Variants in MPRIP observed in about 807,000 individuals in gnomAD.
The protein encoded by MPRIP is myosin phosphatase Rho interacting protein.
Under a neutral mutation model 234.9 loss-of-function variants are expected in MPRIP, and 59 were observed. The observed-to-expected ratio is 0.25, with a 90% CI of 0.20 to 0.31. The LOEUF (loss-of-function observed/expected upper bound fraction) is 0.31, where lower values mean the gene tolerates loss of function less well. Ranked by LOEUF, MPRIP falls within the 10% of genes least tolerant of loss-of-function variation. The probability of loss-of-function intolerance (pLI) is 1.00; values close to 1 mark genes in which losing one functional copy is unlikely to be tolerated. For missense variants in MPRIP, 2,436 were observed against 3,071.0 expected (o/e 0.79, Z 4.89); for synonymous variants, 1,144 against 1,263.9 (o/e 0.91, Z 2.01).
intron 1 of MPRIP, among the ~76,000 whole-genome samples, chr17:17,058,328 G>A (rs996353692): frequency 8.6e-5 from 13 of 151,896 alleles, no homozygotes; most frequent in Non-Finnish European, 1.8e-4. Context: ...CTAAGACTAT[G>A]GGGAATGGGG....
Position 17,158,983 on chromosome 17 carries a change from C to A in MPRIP, c.2381C>A (p.Thr794Asn). The A allele has an allele frequency of 1.9e-6, 3 of 1,612,344 alleles. No individual in the cohort carries two copies. Among genetic ancestry groups the A allele is most frequent in the Non-Finnish European group, 2.5e-6 (3 of 1,179,596 alleles). Residue 794 changes from threonine to asparagine, a missense_variant, in exon 14 of 24, where the codon ACC (threonine) becomes AAC (asparagine). This residue lies in a region of MPRIP where 1,998 missense variants were observed against 2,520.3 expected (regional missense o/e 0.79). Transcript: ENST00000651222. The stretch of plus-strand genomic sequence containing the variant: ...GACCGGCTCTCCACACACGAGCTGA[C>A]CTCTCTGCTCGAGAAGGAGGTAATA... Reference protein sequence around the residue: ...GGDRLSTHELTSLLEKELEQS... With the variant: ...GGDRLSTHELNSLLEKELEQS...
intron 11 of MPRIP, 104 bp from the exon 12 acceptor site, chr17:17,150,040 A>G: frequency 4.9e-6 from 4 of 821,694 alleles, no homozygotes; most frequent in South Asian, 4.5e-5. Flanking sequence ...TGTGTATACT[A>G]TTAAAAGTAA....
chr17:17,166,054 C>A lies in MPRIP; in HGVS notation c.4463C>A (p.Ser1488Tyr), dbSNP rs1264956904. 2 of 1,302,938 alleles carry A rather than the reference C, an allele frequency of 1.5e-6. No homozygotes were observed. Among genetic ancestry groups the A allele is most frequent in the Non-Finnish European group, 2.0e-6 (2 of 988,256 alleles). The allele number at this position is 1,302,938 out of a possible 1,614,324, so 80.7% of individuals were successfully genotyped here. ...GAAAATTGCCGAGAACAACTGAGAT[C>A]TCTGCCTAGGGCCAGCCAGGAGGAT... ...CLENCREQLR[S>Y]LPRASQEDEQ... The change falls in exon 16 of 24, where the codon TCT (serine) becomes TAT (tyrosine). Residue 1488 changes from serine to tyrosine, a missense_variant. Ser to Tyr is a moderately radical substitution (Grantham distance 144). Transcript: ENST00000651222. The surrounding 1 kb of genome is among the most constrained non-coding windows in gnomAD (Gnocchi z 4.4).
At chr17:17,175,538 TC>T in intron 20 of MPRIP, 126 bp downstream of exon 20, 1 of 1,248,732 alleles carries the variant, frequency 8.0e-7, no homozygotes, top group Non-Finnish European at 1.1e-6. Context: ...AGTCACAGGG[TC>T]CAGGAAGATC....
chr17:17,154,206 C>T (rs1457896158), intron 12 of MPRIP, 100 bp from the exon 13 acceptor site: 4 of 977,192 alleles, frequency 4.1e-6, no homozygotes, highest in Non-Finnish European at 6.4e-6. Context: ...AGCCTTTCTC[C>T]CTGTGGGACT....
intron 3 of MPRIP, among the ~76,000 whole-genome samples, chr17:17,083,799 A>G (rs770300775): frequency 1.5e-4 from 23 of 152,124 alleles, no homozygotes; most frequent in Non-Finnish European, 3.1e-4. Flanking sequence ...GCTGGAGTGC[A>G]GTGGCGTGAT....
At chr17:17,122,494 T>G (rs1223250285) in intron 3 of MPRIP, among the ~76,000 whole-genome samples, 1 of 152,098 alleles carries the variant, frequency 6.6e-6, no homozygotes, top group Non-Finnish European at 1.5e-5. Context: ...GCTGGGACTA[T>G]AGACGACTGC....
chr17:17,151,525 T>C (rs775182099), intron 12 of MPRIP, among the ~76,000 whole-genome samples: 2 of 152,200 alleles, frequency 1.3e-5, no homozygotes, highest in Non-Finnish European at 2.9e-5. Context: ...GTCCTCATAG[T>C]TGAACTCCAC....
chr17:17,091,196 C>CAT, intron 3 of MPRIP, among the ~76,000 whole-genome samples: 1 of 152,164 alleles, frequency 6.6e-6, no homozygotes, highest in Middle Eastern at 3.4e-3. Context: ...CGAGGACGAC[C>CAT]ATATATTCTG....
chr17:17,123,460 C>T (rs989316702), intron 3 of MPRIP, among the ~76,000 whole-genome samples: 3 of 151,974 alleles, frequency 2.0e-5, no homozygotes, highest in South Asian at 2.1e-4. Context: ...GTCAGGAGTT[C>T]GAGACCAGCC....
chr17:17,046,827 C>G (rs2088367728), intron 1 of MPRIP, among the ~76,000 whole-genome samples: 1 of 152,234 alleles, frequency 6.6e-6, no homozygotes, highest in Non-Finnish European at 1.5e-5. Flanking sequence ...ATCACAAAGG[C>G]AGCCGTAGAC....
Position 17,177,415 on chromosome 17 carries a change from G to A in MPRIP, c.7120+3G>A, listed in dbSNP as rs1045740320. On this transcript the variant is annotated splice_donor_region_variant and intron_variant, in intron 22 of 23. Transcript: ENST00000651222. ...CAGTGCCACGGTGTCCGGATATGGT[G>A]CGTCCTCGGGTCATGCCCTCTCGGT... 1.7e-5 allele frequency: 28 copies of A among 1,612,066 alleles called. No homozygotes were observed. Among genetic ancestry groups the A allele is most frequent in the Non-Finnish European group, 2.3e-5 (27 of 1,178,882 alleles).
In MPRIP at chr17:17,046,904, G is replaced by A. The variant is rs371288458; in HGVS notation, c.123+3933G>A. ...GTAAAACTTTATTTACCGGCAGGGCGCAGTGGCTCATGCCTGTAATCCCAG... is the reference window on the plus strand; with the variant it reads ...GTAAAACTTTATTTACCGGCAGGGCACAGTGGCTCATGCCTGTAATCCCAG... On this transcript the variant is annotated intron_variant, in intron 1 of 23. Transcript: ENST00000651222. Among the ~76,000 whole-genome samples the A allele has an allele frequency of 3.3e-5, 5 of 152,302 alleles. No individual in the cohort carries two copies. In the East Asian group the frequency reaches 5.8e-4, roughly 18 times the overall value.
intron 3 of MPRIP, among the ~76,000 whole-genome samples, chr17:17,094,930 A>AT (rs1188215611): frequency 6.6e-6 from 1 of 151,090 alleles, no homozygotes; most frequent in African/African-American, 2.4e-5. Flanking sequence ...TTTTTTTAAA[A>AT]TTTTTCCTGG....
chr17:17,056,272 C>T (rs1213240676), intron 1 of MPRIP, among the ~76,000 whole-genome samples: 1 of 152,244 alleles, frequency 6.6e-6, no homozygotes, highest in African/African-American at 2.4e-5. Context: ...TGTGACTCTT[C>T]CCTGCGAAGA....
chr17:17,088,850 CT>C lies in MPRIP; in HGVS notation c.267+10778del, dbSNP rs553261175. The stretch of plus-strand genomic sequence containing the variant: ...CTGCAAGACTGTTTTTCAGAAAAAT[CT>C]TTTCTTTGGCCGGGAAGGAAATGTT... On this transcript the variant is annotated intron_variant, in intron 3 of 23. Transcript: ENST00000651222. 4.2e-3 allele frequency among the ~76,000 whole-genome samples: 636 copies of C among 152,318 alleles called. 4 individuals are homozygous for C. Among genetic ancestry groups the C allele is most frequent in the South Asian group, 0.023 (113 of 4,828 alleles).
At position 17,150,197 on chromosome 17, in the gene MPRIP, G is replaced by A; in HGVS notation, c.1683G>A (p.Glu561=). ...IDLSACYDVT[E]YPVQRNYGFQ... is the part of the protein sequence containing the mutation. ...TGTCCGCATGTTACGATGTCACAGA[G>A]TATCCAGTTCAGAGAAACTATGGCT... Residue 561 remains glutamate, a synonymous_variant, in exon 12 of 24, where the codon GAG becomes GAA. Coordinates refer to ENST00000651222, the MANE Select transcript of MPRIP (RefSeq NM_001364716.4). 1 of 1,613,836 alleles carries A rather than the reference G, an allele frequency of 6.2e-7. No homozygotes were observed. Among genetic ancestry groups the A allele is most frequent in the Non-Finnish European group, 8.5e-7 (1 of 1,179,886 alleles).
chr17:17,107,949 C>T (rs1158070503), intron 3 of MPRIP, among the ~76,000 whole-genome samples: 1 of 152,178 alleles, frequency 6.6e-6, no homozygotes, highest in Non-Finnish European at 1.5e-5. Context: ...AGAGGTTGCT[C>T]GCTGCTCAGG....
intron 2 of MPRIP, chr17:17,076,936 C>CTTTTTTTTTTTTTTTTTTTTTTTT (rs5819598): frequency 3.3e-5 from 3 of 91,376 alleles, no homozygotes; most frequent in African/African-American, 1.3e-4. Flanking sequence ...GGGCTCTTTG[C>CTTTTTTTTTTTTTTTTTTTTTTTT]TTTTTTTTTT....
Sources: gnomAD v4.1 joint callset for allele counts (sites outside exome capture counted in the v4.1 genomes callset) on GRCh38, gnomAD v4.1.1 for gene constraint, gnomAD v4.1.1 regional missense constraint, Gnocchi (gnomAD v3.1) non-coding constraint, MANE v1.5 for transcripts, NCBI Gene and HGNC (gene_info 2026-07-23, HGNC 2026-07-21) for gene names.